Variants in PCCA observed in about 807,000 individuals in gnomAD.
The protein encoded by PCCA is propionyl-CoA carboxylase subunit alpha.
A neutral mutation model predicts 101.3 loss-of-function variants in PCCA; 74 were observed. That is an observed-to-expected ratio of 0.73 (90% CI 0.61 to 0.89). The LOEUF (loss-of-function observed/expected upper bound fraction) is 0.89, where lower values mean the gene tolerates loss of function less well. Among genes scored for constraint, PCCA ranks in the 40% least tolerant of loss-of-function variants. The probability of loss-of-function intolerance (pLI) is 0.00; values close to 1 mark genes in which losing one functional copy is unlikely to be tolerated. For missense variants in PCCA, 891 were observed against 907.0 expected (o/e 0.98, Z 0.23); for synonymous variants, 294 against 313.6 (o/e 0.94, Z 0.66).
intron 20 of PCCA, among the ~76,000 whole-genome samples, 192 bp downstream of exon 20, chr13:100,425,923 C>CT (rs971275615): frequency 2.6e-5 from 4 of 151,522 alleles, no homozygotes; most frequent in Non-Finnish European, 5.9e-5. Context: ...TTAATGTTTT[C>CT]TTTTTTCAGA....
At chr13:100,421,806 T>C (rs552946460) in intron 19 of PCCA, among the ~76,000 whole-genome samples, 30 of 152,186 alleles carry the variant, frequency 2.0e-4, no homozygotes, top group African/African-American at 5.5e-4. Flanking sequence ...TGCCTCAGCC[T>C]CCCGAGTAGC....
At chr13:100,158,321 C>G (rs372691947) in intron 6 of PCCA, among the ~76,000 whole-genome samples, 1 of 152,158 alleles carries the variant, frequency 6.6e-6, no homozygotes, top group East Asian at 1.9e-4. Context: ...TGTTCTTCCA[C>G]GGATTGGAAA....
chr13:100,370,393 A>G (rs2075502350), intron 19 of PCCA, among the ~76,000 whole-genome samples: 1 of 151,952 alleles, frequency 6.6e-6, no homozygotes, highest in Admixed American at 6.6e-5. Context: ...TTTGTTTTAG[A>G]TTCCATGTTG....
At chr13:100,207,118 G>A (rs1297476179) in intron 6 of PCCA, among the ~76,000 whole-genome samples, 3 of 152,030 alleles carry the variant, frequency 2.0e-5, no homozygotes, top group Non-Finnish European at 4.4e-5. Flanking sequence ...TTTTGTAATA[G>A]GTGCCCTAGC....
At chr13:100,323,510 G>A (rs747215097) in intron 16 of PCCA, among the ~76,000 whole-genome samples, 69 of 152,004 alleles carry the variant, frequency 4.5e-4, no homozygotes, top group Admixed American at 1.5e-3. Context: ...TAGAGACGGG[G>A]TTTCACCATG....
intron 4 of PCCA, among the ~76,000 whole-genome samples, chr13:100,117,310 A>G (rs2152291948): frequency 6.6e-6 from 1 of 152,304 alleles, no homozygotes; most frequent in African/African-American, 2.4e-5. Flanking sequence ...GTATATTGGT[A>G]TCAGTTTACT....
intron 14 of PCCA, among the ~76,000 whole-genome samples, chr13:100,306,755 A>G (rs2066484965): frequency 6.6e-6 from 1 of 152,192 alleles, no homozygotes. Flanking sequence ...CAGAAAAGGA[A>G]AGTGTTACAG....
At chr13:100,342,788 C>CGT (rs2071579238) in intron 18 of PCCA, among the ~76,000 whole-genome samples, 1 of 69,072 alleles carries the variant, frequency 1.4e-5, no homozygotes, top group African/African-American at 5.0e-5. Flanking sequence ...GTGGCACAGT[C>CGT]ATAACTCCCT....
chr13:100,312,472 G>A (rs894995484), intron 16 of PCCA, among the ~76,000 whole-genome samples: 6 of 152,170 alleles, frequency 3.9e-5, no homozygotes, highest in African/African-American at 1.4e-4. Context: ...GGATGGGCAC[G>A]CTCAAGCGTC....
chr13:100,207,416 C>G (rs548885298), intron 6 of PCCA, among the ~76,000 whole-genome samples: 2 of 152,142 alleles, frequency 1.3e-5, no homozygotes, highest in South Asian at 4.1e-4. Context: ...GAGTCTCGCT[C>G]TGTCGCCAGG....
chr13:100,236,438 T>A (rs1019736584), intron 8 of PCCA: 8 of 153,270 alleles, frequency 5.2e-5, no homozygotes, highest in Admixed American at 3.9e-4. Flanking sequence ...CCCAACTTTT[T>A]AATTTCTTTT....
At chr13:100,397,143 G>A (rs766536276) in intron 19 of PCCA, among the ~76,000 whole-genome samples, 4 of 152,096 alleles carry the variant, frequency 2.6e-5, no homozygotes, top group Non-Finnish European at 4.4e-5. Flanking sequence ...TTATTAGAGT[G>A]GCCATTATTT....
intron 19 of PCCA, among the ~76,000 whole-genome samples, chr13:100,401,708 A>T (rs1346475303): frequency 6.6e-6 from 1 of 152,154 alleles, no homozygotes; most frequent in Non-Finnish European, 1.5e-5. Flanking sequence ...AATTTCTGGT[A>T]AGTGCTACCA....
intron 11 of PCCA, among the ~76,000 whole-genome samples, chr13:100,270,063 C>G (rs1417223141): frequency 6.6e-6 from 1 of 152,202 alleles, no homozygotes; most frequent in East Asian, 1.9e-4. Flanking sequence ...TGCTTACACA[C>G]CAGCCAGTAT....
chr13:100,270,816 C>T (rs1359361312), intron 11 of PCCA, among the ~76,000 whole-genome samples: 2 of 151,912 alleles, frequency 1.3e-5, no homozygotes, highest in African/African-American at 4.8e-5. Flanking sequence ...TGAGACCAGC[C>T]TGGACAACGT....
chr13:100,399,105 A>G (rs968871853), intron 19 of PCCA, among the ~76,000 whole-genome samples: 1 of 152,080 alleles, frequency 6.6e-6, no homozygotes, highest in Non-Finnish European at 1.5e-5. Context: ...TATTTGCCTT[A>G]ATTTTTGTTT....
intron 6 of PCCA, among the ~76,000 whole-genome samples, chr13:100,172,287 CTT>C (rs2055763801): frequency 6.6e-6 from 1 of 151,098 alleles, no homozygotes; most frequent in Non-Finnish European, 1.5e-5. Context: ...AGTTTAATGT[CTT>C]TGGTATTCAC....
chr13:100,201,881 A>C (rs918111006), intron 6 of PCCA, among the ~76,000 whole-genome samples: 3 of 150,668 alleles, frequency 2.0e-5, no homozygotes, highest in African/African-American at 7.3e-5. Context: ...AAAAAAAAAA[A>C]AAAAAAACCA....
intron 4 of PCCA, among the ~76,000 whole-genome samples, chr13:100,138,415 A>G (rs1226666983): frequency 6.6e-6 from 1 of 152,066 alleles, no homozygotes; most frequent in Non-Finnish European, 1.5e-5. Context: ...TGGTTTTCTT[A>G]CGTGTTATAT....
Sources: allele counts gnomAD v4.1 joint callset (sites outside exome capture counted in the v4.1 genomes callset), GRCh38; gene constraint gnomAD v4.1.1; transcripts MANE v1.5; gene names NCBI Gene and HGNC (gene_info 2026-07-23, HGNC 2026-07-21).